The following SLC6A8 variants were observed in gnomAD, a reference collection of about 807,000 sequenced individuals.
SLC6A8 encodes sodium- and chloride-dependent creatine transporter 1.
Under a neutral mutation model 48.3 loss-of-function variants are expected in SLC6A8, and 6 were observed. The observed-to-expected ratio is 0.12, with a 90% confidence interval of 0.07 to 0.25. SLC6A8 has a LOEUF of 0.25. Among genes scored for constraint, SLC6A8 ranks in the 10% least tolerant of loss-of-function variants. SLC6A8 has a pLI of 1.00. For missense variants in SLC6A8, 260 were observed against 551.5 expected (o/e 0.47, Z 5.29); for synonymous variants, 245 against 244.0 (o/e 1.00, Z -0.04).
intron 4 of SLC6A8, 24 bp downstream of exon 4, chrX:153,692,131 G>A: frequency 8.4e-7 from 1 of 1,193,827 alleles, no homozygotes; most frequent in Non-Finnish European, 1.1e-6. Context: ...CATGCAGCGG[G>A]GAGGGTGGCT....
At chrX:153,689,261 G>C (rs1464386698) in intron 1 of SLC6A8, among the ~76,000 whole-genome samples, 1 of 104,827 alleles carries the variant, frequency 9.5e-6, no homozygotes, top group Admixed American at 9.6e-5. Flanking sequence ...GGGCCACTCT[G>C]TCCCTCCCCC....
chrX:153,693,862 A>G (rs1419411230), intron 7 of SLC6A8, 43 bp from the exon 8 acceptor site: 1 of 1,028,993 alleles, frequency 9.7e-7, no homozygotes. Context: ...CGCACAGGGC[A>G]GGACATCGGC....
At chrX:153,692,800 C>T (rs1338425460) in intron 4 of SLC6A8, 1 of 479,278 alleles carries the variant, frequency 2.1e-6, no homozygotes, top group East Asian at 4.1e-5. Flanking sequence ...CAGAGGCTCG[C>T]CTGCTCCCCA....
At position 153,692,111 on chromosome X, in the gene SLC6A8, C is replaced by T. The variant is rs201581661; in HGVS notation, c.777+4C>T. ...GGGGGTCAAATCCACGGGAAAGGTA[C>T]CACTAGAGGCATGCAGCGGGGAGGG... is the stretch of plus-strand genomic sequence containing the variant. On this transcript the variant is annotated splice_donor_region_variant and intron_variant, in intron 4 of 12. Transcript: ENST00000253122. The T allele has an allele frequency of 7.3e-4, 869 of 1,197,742 alleles. 1 individual carries two copies. The highest frequency in any genetic ancestry group is 9.3e-4 in the Middle Eastern group (4 of 4,303).
At chrX:153,689,883 C>T (rs1557044095) in intron 1 of SLC6A8, among the ~76,000 whole-genome samples, 1 of 112,500 alleles carries the variant, frequency 8.9e-6, no homozygotes, top group South Asian at 3.6e-4. Flanking sequence ...GACTGTGACC[C>T]ACCCACCCTC....
intron 5 of SLC6A8, 24 bp from the exon 6 acceptor site, chrX:153,693,239 C>G (rs782322367): frequency 5.0e-6 from 6 of 1,208,051 alleles, no homozygotes; most frequent in East Asian, 3.0e-5. Flanking sequence ...CCCCTCATGC[C>G]TGCGCTCTCC....
Position 153,688,484 on chromosome X carries a change from G to A in SLC6A8, c.-91G>A, listed in dbSNP as rs2091434734. The A allele has an allele frequency of 1.6e-5, 4 of 242,868 alleles. No homozygotes were observed. The highest frequency in any genetic ancestry group is 2.3e-5 in the Non-Finnish European group (4 of 175,330). The allele number at this position is 242,868 out of a possible 1,213,427, so 20.0% of individuals were successfully genotyped here. On this transcript the variant is annotated 5_prime_UTR_variant, in exon 1 of 13. Transcript: ENST00000253122. ...CCCCCGGCCGGCCCGCGCCCTCGGG[G>A]CCCTCCCCGGTGCCGCCGGTGCCCC...
chrX:153,696,131 T>C lies in SLC6A8; in HGVS notation c.*917T>C, dbSNP rs1557046141. The C allele has an allele frequency of 4.3e-6, 1 of 230,054 alleles. No homozygotes were observed. The highest frequency in any genetic ancestry group is 2.9e-5 in the African/African-American group (1 of 34,448). 19.0% of individuals were successfully genotyped at this position (230,054 alleles called of 1,213,427 possible). On this transcript the variant is annotated 3_prime_UTR_variant, in exon 13 of 13. Transcript: ENST00000253122. ...AGCTGTTGCGTGTGTGAGTCTGTTG[T>C]GTGGATGTGCGTGTGTGGTCCCCAG...
intron 1 of SLC6A8, chrX:153,689,562 C>T (rs1190374266): frequency 1.1e-5 from 8 of 751,102 alleles, no homozygotes; most frequent in Non-Finnish European, 1.1e-5. Context: ...AAGGCCTTTG[C>T]CCAAGGTCAG....
Position 153,688,632 on chromosome X carries a change from G to C in SLC6A8, c.58G>C (p.Gly20Arg). The C allele has an allele frequency of 9.3e-7, 1 of 1,080,485 alleles. No homozygotes were observed. The highest frequency in any genetic ancestry group is 2.1e-5 in the South Asian group (1 of 46,544). 89.0% of individuals were successfully genotyped at this position (1,080,485 alleles called of 1,213,427 possible). A position where few individuals can be genotyped will look rare whatever the true frequency, so the allele number is the denominator to read the frequency against. Residue 20 changes from glycine (G) to arginine (R), a missense_variant, in exon 1 of 13, where the codon GGC becomes CGC. By Grantham distance (125) the Gly-to-Arg change is moderately radical. Around this residue, in one of 7 missense-constraint regions of SLC6A8, gnomAD observed 50 missense variants for 55.1 expected, o/e 0.91. Transcript: ENST00000253122. ...TAGCGTGTCCGGCGACGAGAAGAAGGGCCCCCTCATCGCGCCCGGGCCCGA... is the reference window on the plus strand; with the variant it reads ...TAGCGTGTCCGGCGACGAGAAGAAGCGCCCCCTCATCGCGCCCGGGCCCGA... ...IYSVSGDEKK[G>R]PLIAPGPDGA...
In SLC6A8 at chrX:153,693,215, G is replaced by A. The variant is rs782268161; in HGVS notation, c.912+40G>A. 5.0e-6 allele frequency: 6 copies of A among 1,206,812 alleles called. No homozygotes were observed. The African/African-American group carries it at 8.7e-5, about 18-fold the overall frequency. ...GAGAGGCTGCAGCAGGGCGCTGCGGGGGAGCCCTGCAGGCCCCTCATGCCT... is the reference window on the plus strand; with the variant it reads ...GAGAGGCTGCAGCAGGGCGCTGCGGAGGAGCCCTGCAGGCCCCTCATGCCT... On this transcript the variant is annotated intron_variant, in intron 5 of 12. Coordinates refer to ENST00000253122, the MANE Select transcript of SLC6A8 (RefSeq NM_005629.4).
At chrX:153,692,594 T>TCGGGGTTC in intron 4 of SLC6A8, 1 of 338,988 alleles carries the variant, frequency 2.9e-6, no homozygotes, top group Non-Finnish European at 5.7e-6. Context: ...CAGCTGCATC[T>TCGGGGTTC]CGCCTGCCTC....
rs1261794545 is a variant in SLC6A8, at chrX:153,688,628, G to A, written c.54G>A (p.Lys18=). The part of the protein sequence containing the change: ...NGIYSVSGDE[K]KGPLIAPGPD... ...TCTATAGCGTGTCCGGCGACGAGAA[G>A]AAGGGCCCCCTCATCGCGCCCGGGC... Residue 18 remains lysine (K), a synonymous_variant, in exon 1 of 13, where the codon AAG becomes AAA. Coordinates refer to ENST00000253122, the MANE Select transcript of SLC6A8 (RefSeq NM_005629.4). 7 of 1,080,948 alleles carry A rather than the reference G, an allele frequency of 6.5e-6. No homozygotes were observed. The highest frequency in any genetic ancestry group is 7.3e-6 in the Non-Finnish European group (6 of 827,372). 89.1% of individuals were successfully genotyped at this position (1,080,948 alleles called of 1,213,427 possible). A position where few individuals can be genotyped will look rare whatever the true frequency, so the allele number is the denominator to read the frequency against.
intron 2 of SLC6A8, 180 bp from the exon 3 acceptor site, chrX:153,691,124 G>A (rs1422265776): frequency 9.9e-6 from 5 of 504,501 alleles, no homozygotes; most frequent in East Asian, 3.8e-5. Context: ...AGACAGGCTG[G>A]GGAGTCAGCG....
chrX:153,694,193 C>T lies in SLC6A8; in HGVS notation c.1318C>T (p.Arg440Cys), dbSNP rs782326194. The T allele has an allele frequency of 4.1e-6, 5 of 1,208,962 alleles. No homozygotes were observed. Among genetic ancestry groups the T allele is most frequent in the South Asian group, 1.8e-5 (1 of 56,777 alleles). The stretch of plus-strand genomic sequence containing the variant: ...CCTCCTCCCGGCCTCCTACTACTTC[C>T]GTTTCCAAAGGGAGATCTCTGTGGC... ...LDLLPASYYF[R>C]FQREISVALC... Residue 440 changes from arginine to cysteine, a missense_variant, in exon 9 of 13, where the codon CGT becomes TGT. Arg to Cys is a radical substitution (Grantham distance 180, BLOSUM62 -3). Coordinates refer to ENST00000253122, the MANE Select transcript of SLC6A8 (RefSeq NM_005629.4).
Position 153,696,074 on chromosome X carries a change from A to G in SLC6A8, c.*860A>G. The G allele has an allele frequency of 5.5e-6, 1 of 183,486 alleles. No homozygotes were observed. The highest frequency in any genetic ancestry group is 1.0e-5 in the Non-Finnish European group (1 of 97,743). 15.1% of individuals were successfully genotyped at this position (183,486 alleles called of 1,213,427 possible). The stretch of plus-strand genomic sequence containing the variant: ...CTAGCCAAGGAGTGTGAATTTATAG[A>G]TCTAACTTTCATAGGCAAAACAAAA... On this transcript the variant is annotated 3_prime_UTR_variant, in exon 13 of 13. Transcript: ENST00000253122.
chrX:153,692,129 G>A lies in SLC6A8; in HGVS notation c.777+22G>A, dbSNP rs782225804. On this transcript the variant is annotated intron_variant, in intron 4 of 12. Transcript: ENST00000253122. ...AAAGGTACCACTAGAGGCATGCAGC[G>A]GGGAGGGTGGCTCAGCCCTGGGAGC... 20 of 1,191,538 alleles carry A rather than the reference G, an allele frequency of 1.7e-5. No individual in the cohort carries two copies. In the South Asian group the frequency reaches 2.0e-4, roughly 12 times the overall value.
intron 1 of SLC6A8, 119 bp downstream of exon 1, chrX:153,688,955 G>T: frequency 3.7e-6 from 1 of 273,882 alleles, no homozygotes; most frequent in South Asian, 1.9e-4. Context: ...GGCACGCGGG[G>T]GTCGGGGCCG....
Position 153,693,064 on chromosome X carries a change from C to G in SLC6A8, c.801C>G (p.Phe267Leu). 1 of 1,211,094 alleles carries G rather than the reference C, an allele frequency of 8.3e-7. No homozygotes were observed. The highest frequency in any genetic ancestry group is 1.1e-6 in the Non-Finnish European group (1 of 895,280). The change falls in exon 5 of 13, where the codon TTC becomes TTG. Residue 267 changes from phenylalanine (F) to leucine (L), a missense_variant. Transcript: ENST00000253122. ...TGKIVYFTAT[F>L]PYVVLVVLLV... ...AGATCGTGTACTTCACTGCTACATT[C>G]CCCTACGTGGTCCTGGTCGTGCTGC...
Sources: gnomAD v4.1 joint callset for allele counts (sites outside exome capture counted in the v4.1 genomes callset) on GRCh38, gnomAD v4.1.1 for gene constraint, gnomAD v4.1.1 regional missense constraint, MANE v1.5 for transcripts, NCBI Gene and HGNC (gene_info 2026-07-23, HGNC 2026-07-21) for gene names.